Variants in SYNPO2 observed in about 807,000 individuals in gnomAD.
SYNPO2 encodes synaptopodin-2.
A neutral mutation model predicts 85.0 loss-of-function variants in SYNPO2; 56 were observed. The ratio of observed to expected loss-of-function variants is 0.66; its 90% CI spans 0.53 to 0.82. SYNPO2 has a LOEUF of 0.82. SYNPO2 is among the 40% of genes least tolerant of loss of function. SYNPO2 has a pLI of 0.00. For synonymous variants in SYNPO2, 602 were observed against 591.1 expected, an observed-to-expected ratio of 1.02 and a Z score of -0.27; for missense variants, 1,575 against 1,534.2, an observed-to-expected ratio of 1.03 and a Z score of -0.44.
In SYNPO2 at chr4:119,045,450, C is replaced by CA. The variant is rs528836425; in HGVS notation, c.3253-11944dup. ...GGGGTGATAGAGCAAGACCCTGTCT[C>CA]AAAAAAACAAAAACCCAAAAAACTC... On this transcript the variant is annotated intron_variant, in intron 4 of 4. Coordinates refer to ENST00000307142, the MANE Select transcript of SYNPO2 (RefSeq NM_133477.3). Among the ~76,000 whole-genome samples the CA allele has an allele frequency of 6.6e-5, 10 of 151,788 alleles. No homozygotes were observed. The East Asian group carries it at 1.7e-3, about 26-fold the overall frequency.
chr4:118,860,366 C>T (rs1731587384), intron 1 of SYNPO2, among the ~76,000 whole-genome samples: 1 of 152,036 alleles, frequency 6.6e-6, no homozygotes, highest in African/African-American at 2.4e-5. Context: ...ACCTCAGCCT[C>T]CTGAATAGCT....
intron 1 of SYNPO2, among the ~76,000 whole-genome samples, chr4:119,017,332 G>T (rs535834463): frequency 6.6e-6 from 1 of 152,220 alleles, no homozygotes; most frequent in Admixed American, 6.5e-5. Context: ...CTATCATCTT[G>T]CTCTGCCTCC....
Position 119,030,324 on chromosome 4 carries a change from A to C in SYNPO2, c.1549A>C (p.Thr517Pro). The C allele has an allele frequency of 1.2e-6, 2 of 1,614,094 alleles. No individual in the cohort carries two copies. Among genetic ancestry groups the C allele is most frequent in the Non-Finnish European group, 1.7e-6 (2 of 1,180,022 alleles). The change falls in exon 4 of 5, where the codon ACG becomes CCG. Residue 517 changes from threonine (T) to proline (P), a missense_variant. Around this residue, in one of 3 missense-constraint regions of SYNPO2, gnomAD observed 1,508 missense variants for 1,446.8 expected, o/e 1.04. Transcript: ENST00000307142. ...AQKEEDKVGG[T>P]PSREQDAAQT... ...AAAAGAAGAGGACAAGGTAGGTGGA[A>C]CGCCAAGCAGAGAACAAGATGCTGC...
At chr4:119,008,745 C>T (rs1261458835) in intron 1 of SYNPO2, among the ~76,000 whole-genome samples, 1 of 151,896 alleles carries the variant, frequency 6.6e-6, no homozygotes, top group African/African-American at 2.4e-5. Context: ...TGTGTAGTTG[C>T]TTGGGTTAAG....
At chr4:118,981,233 T>G (rs1225596037) in intron 1 of SYNPO2, among the ~76,000 whole-genome samples, 1 of 152,222 alleles carries the variant, frequency 6.6e-6, no homozygotes, top group African/African-American at 2.4e-5. Flanking sequence ...CTGACCCATT[T>G]GTTCCAGGAT....
At chr4:118,864,039 T>C (rs1192371370) in intron 1 of SYNPO2, among the ~76,000 whole-genome samples, 1 of 152,240 alleles carries the variant, frequency 6.6e-6, no homozygotes, top group Admixed American at 6.5e-5. Flanking sequence ...TTAAGACGCA[T>C]CACTAGCTTG....
intron 1 of SYNPO2, among the ~76,000 whole-genome samples, chr4:118,915,508 G>T (rs1453377833): frequency 6.6e-6 from 1 of 152,076 alleles, no homozygotes; most frequent in Non-Finnish European, 1.5e-5. Context: ...TATCCATATG[G>T]CTGTAACTCT....
chr4:119,035,368 C>A, intron 4 of SYNPO2: 1 of 985,386 alleles, frequency 1.0e-6, no homozygotes. Flanking sequence ...AATCCCAGAA[C>A]TGGTAAGATT....
At chr4:118,913,760 T>C (rs984061070) in intron 1 of SYNPO2, among the ~76,000 whole-genome samples, 32 of 152,212 alleles carry the variant, frequency 2.1e-4, no homozygotes, top group East Asian at 1.3e-3. Flanking sequence ...GGTTAAAAGA[T>C]ACTTTTACAA....
At chr4:118,991,336 CAG>C (rs1736409652) in intron 1 of SYNPO2, among the ~76,000 whole-genome samples, 1 of 151,706 alleles carries the variant, frequency 6.6e-6, no homozygotes, top group Non-Finnish European at 1.5e-5. Context: ...TTAGTAGAGA[CAG>C]GGTTTCGCCA....
chr4:118,997,399 T>C (rs1441734986), intron 1 of SYNPO2, among the ~76,000 whole-genome samples: 1 of 152,118 alleles, frequency 6.6e-6, no homozygotes, highest in Non-Finnish European at 1.5e-5. Flanking sequence ...TTTGTCATTG[T>C]TCAAACAATA....
intron 1 of SYNPO2, among the ~76,000 whole-genome samples, chr4:118,876,398 C>T (rs1169598318): frequency 6.6e-6 from 1 of 152,222 alleles, no homozygotes; most frequent in African/African-American, 2.4e-5. Flanking sequence ...TCCCATCGCG[C>T]TCTGCCATAT....
intron 1 of SYNPO2, among the ~76,000 whole-genome samples, chr4:118,932,946 C>A (rs1181491724): frequency 6.6e-6 from 1 of 152,054 alleles, no homozygotes; most frequent in African/African-American, 2.4e-5. Context: ...ACATGCTCCA[C>A]CCTGAAAATT....
At chr4:118,857,208 C>A (rs1184272691) in intron 1 of SYNPO2, among the ~76,000 whole-genome samples, 2 of 152,054 alleles carry the variant, frequency 1.3e-5, no homozygotes, top group Non-Finnish European at 2.9e-5. Flanking sequence ...AGTATTTATT[C>A]TCTTATCTTC....
chr4:119,008,455 G>A (rs529579045), intron 1 of SYNPO2, among the ~76,000 whole-genome samples: 37 of 150,690 alleles, frequency 2.5e-4, no homozygotes, highest in Non-Finnish European at 4.1e-4. Context: ...TTTTTCCTTG[G>A]CAAAGCAAGC....
chr4:118,988,058 A>T (rs757660103), intron 1 of SYNPO2, among the ~76,000 whole-genome samples: 1 of 152,224 alleles, frequency 6.6e-6, no homozygotes, highest in Non-Finnish European at 1.5e-5. Flanking sequence ...CAAACATAAC[A>T]ACATGTTTTT....
chr4:118,976,393 A>C (rs887599207), intron 1 of SYNPO2, among the ~76,000 whole-genome samples: 1 of 152,166 alleles, frequency 6.6e-6, no homozygotes, highest in Admixed American at 6.5e-5. Context: ...AGCAGCGTGG[A>C]CCCAAAGAGT....
At chr4:118,998,113 T>G (rs1339848598) in intron 1 of SYNPO2, among the ~76,000 whole-genome samples, 1 of 152,170 alleles carries the variant, frequency 6.6e-6, no homozygotes, top group African/African-American at 2.4e-5. Flanking sequence ...GATAACCGCA[T>G]TTTTCAAAAA....
intron 1 of SYNPO2, among the ~76,000 whole-genome samples, chr4:118,857,382 G>A (rs1657050842): frequency 6.6e-6 from 1 of 151,876 alleles, no homozygotes; most frequent in African/African-American, 2.4e-5. Context: ...ATTAAACTGA[G>A]GACAGGACAA....
Sources: gnomAD v4.1 joint callset for allele counts (sites outside exome capture counted in the v4.1 genomes callset) on GRCh38, gnomAD v4.1.1 for gene constraint, gnomAD v4.1.1 regional missense constraint, MANE v1.5 for transcripts, NCBI Gene and HGNC (gene_info 2026-07-23, HGNC 2026-07-21) for gene names.